The following JMY variants were observed in gnomAD, a reference collection of about 807,000 sequenced individuals.
JMY encodes the protein junction mediating and regulatory protein, p53 cofactor.
JMY carries 46 observed loss-of-function variants against 103.3 expected under a neutral mutation model. The ratio of observed to expected loss-of-function variants is 0.45; its 90% CI spans 0.35 to 0.57. The LOEUF is 0.57. Ranked by LOEUF, JMY falls within the 20% of genes least tolerant of loss-of-function variation. JMY has a pLI of 0.00. For synonymous variants in JMY, 526 were observed against 489.3 expected (o/e 1.07, Z -0.99); for missense variants, 1,238 against 1,255.2 (o/e 0.99, Z 0.21).
At chr5:79,282,448 T>G (rs1014733809) in intron 2 of JMY, among the ~76,000 whole-genome samples, 1 of 152,142 alleles carries the variant, frequency 6.6e-6, no homozygotes, top group Non-Finnish European at 1.5e-5. Flanking sequence ...TATATCTCAA[T>G]AAACGTGATT....
chr5:79,278,054 C>G lies in JMY; in HGVS notation c.1177C>G (p.Leu393Val). 1.2e-6 allele frequency: 2 copies of G among 1,613,522 alleles called. No individual in the cohort carries two copies. Among genetic ancestry groups the G allele is most frequent in the Non-Finnish European group, 1.7e-6 (2 of 1,179,756 alleles). Reference sequence around the variant, plus strand: ...ACAGCCATTCCGAGACATGAGAGAACTTGCCATGCTACGAAGACAGCAGAT... The same window carrying G: ...ACAGCCATTCCGAGACATGAGAGAAGTTGCCATGCTACGAAGACAGCAGAT... ...LLQPFRDMRE[L>V]AMLRRQQIKI... The change falls in exon 2 of 11, where the codon CTT (leucine) becomes GTT (valine). Residue 393 changes from leucine to valine, a missense_variant. By Grantham distance (32) the Leu-to-Val change is conservative (BLOSUM62 1). Coordinates refer to ENST00000396137, the MANE Select transcript of JMY (RefSeq NM_152405.5).
intron 6 of JMY, among the ~76,000 whole-genome samples, chr5:79,305,066 G>A (rs1746839821): frequency 6.6e-6 from 1 of 152,150 alleles, no homozygotes. Flanking sequence ...ACCAGAGTGG[G>A]TAAAGAACAT....
chr5:79,290,407 C>T (rs530937218), intron 3 of JMY, 136 bp downstream of exon 3: 1 of 417,412 alleles, frequency 2.4e-6, no homozygotes, highest in South Asian at 1.2e-4. Flanking sequence ...CCACTATTAG[C>T]AAATTAAGGC....
rs1044009343 is a variant in JMY at position 79,236,177 on chromosome 5, G to C, written c.-474G>C. ...CGATGCTGAGGCGCAGAGTTTAGGA[G>C]ACGGGTTCATCAGTCAGGCCGGCTC... On this transcript the variant is annotated 5_prime_UTR_variant, in exon 1 of 11. Transcript: ENST00000396137. 6.6e-6 allele frequency: 1 copy of C among 152,614 alleles called. No individual in the cohort carries two copies. The highest frequency in any genetic ancestry group is 1.5e-5 in the Non-Finnish European group (1 of 68,694). 9.5% of individuals were successfully genotyped at this position (152,614 alleles called of 1,614,324 possible).
intron 1 of JMY, among the ~76,000 whole-genome samples, chr5:79,257,141 C>T (rs575332175): frequency 1.0e-3 from 151 of 151,298 alleles, no homozygotes; most frequent in African/African-American, 3.4e-3. Context: ...GGTGCGATCT[C>T]GGCTCACTGC....
At chr5:79,315,956 A>C (rs769109120) in intron 9 of JMY, 44 bp from the exon 10 acceptor site, 1 of 1,529,086 alleles carries the variant, frequency 6.5e-7, no homozygotes, top group Non-Finnish European at 9.0e-7. Flanking sequence ...ATTCTAATTA[A>C]GTGCAGTCCT....
At chr5:79,251,253 A>G (rs1580330117) in intron 1 of JMY, among the ~76,000 whole-genome samples, 1 of 152,090 alleles carries the variant, frequency 6.6e-6, no homozygotes, top group South Asian at 2.1e-4. Flanking sequence ...ATACTTTGAG[A>G]CAGAATATCC....
chr5:79,314,203 T>C, intron 8 of JMY, 54 bp from the exon 9 acceptor site: 1 of 1,542,132 alleles, frequency 6.5e-7, no homozygotes, highest in East Asian at 2.3e-5. Flanking sequence ...AGGCATGTGC[T>C]CATAAATTGT....
At chr5:79,253,900 C>T (rs1378951963) in intron 1 of JMY, among the ~76,000 whole-genome samples, 6 of 150,596 alleles carry the variant, frequency 4.0e-5, no homozygotes, top group African/African-American at 1.2e-4. Flanking sequence ...ATACTGGGCT[C>T]AAGTGATCCA....
intron 1 of JMY, among the ~76,000 whole-genome samples, chr5:79,271,426 T>C (rs1453760417): frequency 1.3e-5 from 2 of 152,216 alleles, no homozygotes; most frequent in African/African-American, 4.8e-5. Flanking sequence ...TCTACTTCTA[T>C]TTTCTAGAAG....
At position 79,316,397 on chromosome 5, in the gene JMY, G is replaced by A. The variant is rs898630311; in HGVS notation, c.*3+87G>A. 5 of 1,003,706 alleles carry A rather than the reference G, an allele frequency of 5.0e-6. No individual in the cohort carries two copies. The African/African-American group carries it at 8.2e-5, about 16-fold the overall frequency. 62.2% of individuals were successfully genotyped at this position (1,003,706 alleles called of 1,614,324 possible). The stretch of plus-strand genomic sequence containing the variant: ...GTTTGGGGTATTTTTTATTGAGCCT[G>A]AGGCATATCGTTTGTTTTATAACCC... On this transcript the variant is annotated intron_variant, in intron 10 of 10. Transcript: ENST00000396137.
At chr5:79,272,370 C>T (rs1745810566) in intron 1 of JMY, among the ~76,000 whole-genome samples, 1 of 152,026 alleles carries the variant, frequency 6.6e-6, no homozygotes, top group South Asian at 2.1e-4. Flanking sequence ...TAATTCTTGA[C>T]AAGGTTGGAT....
intron 6 of JMY, among the ~76,000 whole-genome samples, chr5:79,306,163 A>G (rs892469674): frequency 6.6e-6 from 1 of 152,204 alleles, no homozygotes; most frequent in Non-Finnish European, 1.5e-5. Flanking sequence ...CAGGAGGTCT[A>G]TAGAAGTTAA....
At chr5:79,239,317 A>G (rs1744660196) in intron 1 of JMY, among the ~76,000 whole-genome samples, 1 of 152,202 alleles carries the variant, frequency 6.6e-6, no homozygotes, top group Non-Finnish European at 1.5e-5. Flanking sequence ...TTTTGAAGGA[A>G]GTGACAAATC....
chr5:79,311,424 G>A (rs1747045672), intron 7 of JMY, among the ~76,000 whole-genome samples: 1 of 152,162 alleles, frequency 6.6e-6, no homozygotes, highest in African/African-American at 2.4e-5. Flanking sequence ...GGGAAAGCTG[G>A]TGGGGAAGAG....
Position 79,306,420 on chromosome 5 carries a change from C to T in JMY, c.1927C>T (p.Arg643Trp), listed in dbSNP as rs1278817116. The change falls in exon 7 of 11, where the codon CGG becomes TGG. Residue 643 changes from arginine (R) to tryptophan (W), a missense_variant. Arg to Trp is a moderately radical substitution (Grantham distance 101, BLOSUM62 -3). Transcript: ENST00000396137. The stretch of plus-strand genomic sequence containing the variant: ...CAATGAAAAAATCCAACAGCGCACT[C>T]GGATTGAAGATGAATATAGAACCCA... Reference protein sequence around the residue: ...KHNEKIQQRTRIEDEYRTHHT... With the variant: ...KHNEKIQQRTWIEDEYRTHHT... 14 of 1,612,914 alleles carry T rather than the reference C, an allele frequency of 8.7e-6. No individual in the cohort carries two copies. The East Asian group carries it at 1.8e-4, about 21-fold the overall frequency.
intron 4 of JMY, among the ~76,000 whole-genome samples, chr5:79,295,816 T>C (rs1487178335): frequency 1.3e-5 from 2 of 152,190 alleles, no homozygotes; most frequent in Admixed American, 1.3e-4. Flanking sequence ...TGTCAATAAG[T>C]AGATTATTCC....
chr5:79,269,419 G>T (rs900549960), intron 1 of JMY, among the ~76,000 whole-genome samples: 17 of 152,154 alleles, frequency 1.1e-4, no homozygotes, highest in Non-Finnish European at 1.6e-4. Flanking sequence ...TAGCTATTCT[G>T]AGTCTTTTCA....
In JMY at chr5:79,289,778, G is replaced by A. The variant is rs539239940; in HGVS notation, c.1207-343G>A. On this transcript the variant is annotated intron_variant, in intron 2 of 10. Coordinates refer to ENST00000396137, the MANE Select transcript of JMY (RefSeq NM_152405.5). ...GAAATAAACAATTTAAGTAATTTGG[G>A]GGGGGGCATAAATAAGTCTTAACCA... Among the ~76,000 whole-genome samples the A allele has an allele frequency of 3.9e-5, 6 of 152,026 alleles. No individual in the cohort carries two copies. The South Asian group carries it at 1.2e-3, about 32-fold the overall frequency.
Sources: allele counts gnomAD v4.1 joint callset (sites outside exome capture counted in the v4.1 genomes callset), GRCh38; gene constraint gnomAD v4.1.1; transcripts MANE v1.5; gene names NCBI Gene and HGNC (gene_info 2026-07-23, HGNC 2026-07-21).